ATP9A: variants seen among roughly 807,000 people sequenced by gnomAD.
The protein encoded by ATP9A is probable phospholipid-transporting ATPase IIA.
A neutral mutation model predicts 144.1 loss-of-function variants in ATP9A; 52 were observed. The ratio of observed to expected loss-of-function variants is 0.36; its 90% CI spans 0.29 to 0.45. The LOEUF (loss-of-function observed/expected upper bound fraction) is 0.45. ATP9A is among the 20% of genes least tolerant of loss of function. The pLI is 1.00. For missense variants in ATP9A, 947 were observed against 1,392.7 expected (o/e 0.68, Z 5.09); for synonymous variants, 582 against 557.4 (o/e 1.04, Z -0.62).
At chr20:51,648,980 A>G (rs947123919) in intron 14 of ATP9A, among the ~76,000 whole-genome samples, 12 of 152,188 alleles carry the variant, frequency 7.9e-5, no homozygotes, top group African/African-American at 2.7e-4. Flanking sequence ...TAAAGGCAAG[A>G]TACTCAGAAG....
intron 14 of ATP9A, among the ~76,000 whole-genome samples, chr20:51,649,411 G>T (rs2077354592): frequency 6.6e-6 from 1 of 152,124 alleles, no homozygotes; most frequent in African/African-American, 2.4e-5. Flanking sequence ...TCTACAAAAT[G>T]GGCACAATCA....
intron 3 of ATP9A, among the ~76,000 whole-genome samples, chr20:51,725,239 C>T (rs754817390): frequency 1.2e-4 from 18 of 152,184 alleles, no homozygotes; most frequent in Non-Finnish European, 2.2e-4. Context: ...TCTCCTGCCT[C>T]AGCCTCACAA....
intron 4 of ATP9A, among the ~76,000 whole-genome samples, chr20:51,702,324 G>A (rs1369161038): frequency 6.7e-6 from 1 of 148,874 alleles, no homozygotes; most frequent in African/African-American, 2.5e-5. Flanking sequence ...AATATCTATA[G>A]ATACATAGTT....
intron 3 of ATP9A, among the ~76,000 whole-genome samples, chr20:51,715,232 C>T (rs2077657023): frequency 6.6e-6 from 1 of 152,146 alleles, no homozygotes; most frequent in Admixed American, 6.6e-5. Context: ...TTGTGAAACT[C>T]CTCCCAATGC....
intron 13 of ATP9A, among the ~76,000 whole-genome samples, chr20:51,664,864 T>A (rs11905578): frequency 2.0e-5 from 3 of 150,276 alleles, no homozygotes; most frequent in African/African-American, 7.3e-5. Flanking sequence ...GGATTACAGG[T>A]GCCCGCCACC....
intron 14 of ATP9A, among the ~76,000 whole-genome samples, chr20:51,654,237 A>C (rs1352984596): frequency 6.6e-6 from 1 of 151,902 alleles, no homozygotes; most frequent in Non-Finnish European, 1.5e-5. Flanking sequence ...TTCCACAAAC[A>C]CCCTGCAGGC....
At chr20:51,721,596 G>A (rs1371246245) in intron 3 of ATP9A, among the ~76,000 whole-genome samples, 1 of 152,022 alleles carries the variant, frequency 6.6e-6, no homozygotes, top group East Asian at 1.9e-4. Flanking sequence ...TCAGGAGATC[G>A]AGACCATCCT....
rs985009586 is a variant in ATP9A, at chr20:51,596,623, T to G, written c.*4588A>C. 1 of 152,158 alleles carries G rather than the reference T, an allele frequency of 6.6e-6. No homozygotes were observed. 9.4% of individuals were successfully genotyped at this position (152,158 alleles called of 1,614,324 possible). On this transcript the variant is annotated 3_prime_UTR_variant, in exon 28 of 28. Coordinates refer to ENST00000338821, the MANE Select transcript of ATP9A (RefSeq NM_006045.3). ...ACATGCATTGATTTGGGGTTTTTTT[T>G]GCCAAAATCAAAATAATTTTCTGAA... is the stretch of plus-strand genomic sequence containing the variant.
intron 1 of ATP9A, among the ~76,000 whole-genome samples, chr20:51,760,774 C>G (rs2077876855): frequency 6.7e-6 from 1 of 148,830 alleles, no homozygotes; most frequent in Admixed American, 6.8e-5. Flanking sequence ...CCTGTAATCG[C>G]AACACTTTGG....
chr20:51,757,485 T>C (rs1195871494), intron 1 of ATP9A, among the ~76,000 whole-genome samples: 2 of 152,176 alleles, frequency 1.3e-5, no homozygotes, highest in African/African-American at 4.8e-5. Flanking sequence ...AGAGATTTAA[T>C]TGGGGCGAAG....
rs377707016 is a variant in ATP9A at position 51,621,147 on chromosome 20, C to CAAA, written c.2115+924_2115+926dup. On this transcript the variant is annotated intron_variant, in intron 19 of 27. Transcript: ENST00000338821. The stretch of plus-strand genomic sequence containing the variant: ...GGGTGATAAGAGCAAGGCCCCATCT[C>CAAA]AAAAAAAAAAAAAAAAGGAGAGATT... Among the ~76,000 whole-genome samples the CAAA allele has an allele frequency of 3.8e-3, 387 of 102,516 alleles. 3 individuals carry two copies. Among genetic ancestry groups the CAAA allele is most frequent in the Non-Finnish European group, 5.6e-3 (284 of 50,834 alleles). The allele number at this position is 102,516 out of a possible 152,430, so 67.3% of individuals were successfully genotyped here.
At chr20:51,719,017 A>T (rs917781282) in intron 3 of ATP9A, among the ~76,000 whole-genome samples, 1 of 150,916 alleles carries the variant, frequency 6.6e-6, no homozygotes, top group Non-Finnish European at 1.5e-5. Flanking sequence ...AGTCCCAGCT[A>T]CTCAAGAGGC....
intron 14 of ATP9A, among the ~76,000 whole-genome samples, chr20:51,656,219 C>CA (rs11476943): frequency 1.4e-3 from 196 of 143,852 alleles, no homozygotes; most frequent in Non-Finnish European, 6.6e-4. Flanking sequence ...ATGATGGTTG[C>CA]AAAAAAAAAA....
intron 13 of ATP9A, among the ~76,000 whole-genome samples, chr20:51,665,586 T>C (rs1423958025): frequency 6.6e-6 from 1 of 151,836 alleles, no homozygotes; most frequent in Non-Finnish European, 1.5e-5. Flanking sequence ...TAGCCAGGTG[T>C]GTTGGCACAT....
chr20:51,736,272 G>A (rs2077762286), intron 1 of ATP9A, among the ~76,000 whole-genome samples: 1 of 152,174 alleles, frequency 6.6e-6, no homozygotes, highest in Non-Finnish European at 1.5e-5. Context: ...ACAACACAGG[G>A]CTTTGTCACC....
At chr20:51,638,234 C>T (rs1255456549) in intron 15 of ATP9A, among the ~76,000 whole-genome samples, 14 of 147,538 alleles carry the variant, frequency 9.5e-5, no homozygotes, top group African/African-American at 5.0e-5. Context: ...TATCTCTTTC[C>T]TCCATGAGGC....
In ATP9A at chr20:51,738,717, T is replaced by A. The variant is rs551116048; in HGVS notation, c.69-8739A>T. 8.3e-4 allele frequency among the ~76,000 whole-genome samples: 124 copies of A among 149,944 alleles called. 1 individual carries two copies. Among genetic ancestry groups the A allele is most frequent in the African/African-American group, 3.0e-3 (121 of 40,780 alleles). On this transcript the variant is annotated intron_variant, in intron 1 of 27. Transcript: ENST00000338821. ...AGAGCAAGACTCTGTCTCAAAAAAA[T>A]AAATAAATAAAAAACAAAGTGTATG... is the stretch of plus-strand genomic sequence containing the variant.
intron 4 of ATP9A, 70 bp from the exon 5 acceptor site, chr20:51,697,552 G>A: frequency 1.4e-6 from 2 of 1,448,606 alleles, no homozygotes; most frequent in Non-Finnish European, 1.9e-6. Context: ...TTTACAGAGT[G>A]CCCAGCCTGC....
At chr20:51,619,961 G>A (rs1428205764) in intron 19 of ATP9A, among the ~76,000 whole-genome samples, 4 of 151,180 alleles carry the variant, frequency 2.6e-5, no homozygotes, top group South Asian at 2.1e-4. Flanking sequence ...TTCTCACAAC[G>A]GCTCTATGAG....
Sources: gnomAD v4.1 joint callset for allele counts (sites outside exome capture counted in the v4.1 genomes callset) on GRCh38, gnomAD v4.1.1 for gene constraint, MANE v1.5 for transcripts, NCBI Gene and HGNC (gene_info 2026-07-23, HGNC 2026-07-21) for gene names.